ARID3B: variants seen among roughly 807,000 people sequenced by gnomAD.
The protein encoded by ARID3B is AT-rich interaction domain 3B.
In ARID3B, 10 loss-of-function variants were observed where a neutral mutation model predicts 51.9. That is an observed-to-expected ratio of 0.19 (90% CI 0.12 to 0.33). ARID3B has a LOEUF of 0.33. Among genes scored for constraint, ARID3B ranks in the 10% least tolerant of loss-of-function variants. ARID3B has a pLI of 1.00. For synonymous variants in ARID3B, 205 were observed against 279.5 expected, an observed-to-expected ratio of 0.73 and a Z score of 2.66; for missense variants, 483 against 716.3, an observed-to-expected ratio of 0.67 and a Z score of 3.72.
intron 2 of ARID3B, among the ~76,000 whole-genome samples, chr15:74,555,815 G>A (rs1317199162): frequency 5.2e-5 from 6 of 115,334 alleles, no homozygotes; most frequent in African/African-American, 7.0e-5. Flanking sequence ...TTTTTGAGAC[G>A]GAATCTCACC....
Position 74,596,552 on chromosome 15 carries a change from A to C in ARID3B, c.*778A>C. 1 of 233,062 alleles carries C rather than the reference A, an allele frequency of 4.3e-6. No homozygotes were observed. The highest frequency in any genetic ancestry group is 6.1e-5 in the East Asian group (1 of 16,526). The allele number at this position is 233,062 out of a possible 1,614,324, so 14.4% of individuals were successfully genotyped here. On this transcript the variant is annotated 3_prime_UTR_variant, in exon 9 of 9. Coordinates refer to ENST00000346246, the MANE Select transcript of ARID3B (RefSeq NM_006465.4). ...CTTGCCCTTATTGGCCTGCTTTCCC[A>C]AAAACAGCCCACTCATCCTTTCCCC...
At chr15:74,581,620 T>TA (rs1029301667) in intron 4 of ARID3B, among the ~76,000 whole-genome samples, 17 of 152,238 alleles carry the variant, frequency 1.1e-4, no homozygotes, top group African/African-American at 3.4e-4. Flanking sequence ...CAGCTGCTGT[T>TA]AAAAAAATAT....
intron 4 of ARID3B, among the ~76,000 whole-genome samples, chr15:74,579,872 T>TGTGTGTGCGC (rs1488209764): frequency 3.5e-4 from 42 of 118,976 alleles, no homozygotes; most frequent in African/African-American, 1.0e-3. Flanking sequence ...TGTGTGTGTG[T>TGTGTGTGCGC]GCGCGCGCGC....
At chr15:74,564,854 G>C (rs1470894449) in intron 2 of ARID3B, among the ~76,000 whole-genome samples, 2 of 152,016 alleles carry the variant, frequency 1.3e-5, no homozygotes, top group Non-Finnish European at 2.9e-5. Flanking sequence ...ACCTGCCTCA[G>C]CCTCCCAAAG....
chr15:74,559,308 G>A (rs745469305), intron 2 of ARID3B, among the ~76,000 whole-genome samples: 4 of 152,182 alleles, frequency 2.6e-5, no homozygotes, highest in Admixed American at 6.5e-5. Context: ...TGTATGCAAC[G>A]GGTAGAGTGT....
intron 4 of ARID3B, among the ~76,000 whole-genome samples, chr15:74,579,399 C>T (rs1305334781): frequency 6.6e-6 from 1 of 152,174 alleles, no homozygotes; most frequent in Non-Finnish European, 1.5e-5. Context: ...CAGTGCAAAG[C>T]CAGGGCTAAC....
chr15:74,580,343 T>C (rs2061757094), intron 4 of ARID3B, among the ~76,000 whole-genome samples: 1 of 152,212 alleles, frequency 6.6e-6, no homozygotes, highest in Non-Finnish European at 1.5e-5. Flanking sequence ...GGGGAGGGAC[T>C]AATTTCTAAG....
chr15:74,572,978 G>A (rs1189108133), intron 3 of ARID3B, 45 bp downstream of exon 3: 1 of 1,608,724 alleles, frequency 6.2e-7, no homozygotes, highest in Admixed American at 1.7e-5. Context: ...CAGTTCTGCA[G>A]TGGCTTGTTA....
chr15:74,564,874 T>C (rs2061692092), intron 2 of ARID3B, among the ~76,000 whole-genome samples: 1 of 152,130 alleles, frequency 6.6e-6, no homozygotes, highest in South Asian at 2.1e-4. Flanking sequence ...GTGCTGAGAT[T>C]ACAGTCATGA....
At position 74,596,452 on chromosome 15, in the gene ARID3B, C is replaced by G. The variant is rs898573546; in HGVS notation, c.*678C>G. ...ATCTGCTGATGGGAAGGCAGAGCCT[C>G]GGGGCTGCCCAGCCCTGGCACCTGC... On this transcript the variant is annotated 3_prime_UTR_variant, in exon 9 of 9. Transcript: ENST00000346246. 1 of 233,430 alleles carries G rather than the reference C, an allele frequency of 4.3e-6. No homozygotes were observed. The highest frequency in any genetic ancestry group is 8.5e-6 in the Non-Finnish European group (1 of 117,992). The allele number at this position is 233,430 out of a possible 1,614,324, so 14.5% of individuals were successfully genotyped here. A position where few individuals can be genotyped will look rare whatever the true frequency, so the allele number is the denominator to read the frequency against.
intron 2 of ARID3B, among the ~76,000 whole-genome samples, chr15:74,552,056 C>CTTTTTTT (rs869096001): frequency 1.7e-4 from 17 of 102,614 alleles, no homozygotes; most frequent in African/African-American, 4.5e-4. Flanking sequence ...TCTTTCTTTC[C>CTTTTTTT]TTTTTTTTTT....
At chr15:74,568,707 C>T (rs936168274) in intron 2 of ARID3B, among the ~76,000 whole-genome samples, 1 of 152,098 alleles carries the variant, frequency 6.6e-6, no homozygotes, top group Non-Finnish European at 1.5e-5. Context: ...AGCAAACTAT[C>T]AGTTTCCTGT....
chr15:74,558,565 A>G (rs2141454335), intron 2 of ARID3B, among the ~76,000 whole-genome samples: 1 of 152,356 alleles, frequency 6.6e-6, no homozygotes, highest in Middle Eastern at 3.4e-3. Context: ...ATACAAAAAA[A>G]AAAGAATAGT....
intron 2 of ARID3B, among the ~76,000 whole-genome samples, chr15:74,547,095 G>A (rs1234364019): frequency 6.6e-6 from 1 of 152,064 alleles, no homozygotes; most frequent in Non-Finnish European, 1.5e-5. Flanking sequence ...TGCAAAAATA[G>A]AATATCCCTT....
At chr15:74,543,645 A>G (rs1008186762) in intron 1 of ARID3B, among the ~76,000 whole-genome samples, 1 of 151,544 alleles carries the variant, frequency 6.6e-6, no homozygotes. Flanking sequence ...TTCATTCCCT[A>G]TTTCCCCTCT....
Position 74,591,778 on chromosome 15 carries a change from C to T in ARID3B, c.1384C>T (p.Arg462Trp), listed in dbSNP as rs753085247. The change falls in exon 7 of 9, where the codon CGG becomes TGG. Residue 462 changes from arginine (R) to tryptophan (W), a missense_variant. By Grantham distance (101) the Arg-to-Trp change is moderately radical. This residue lies in a region of ARID3B where 265 missense variants were observed against 354.4 expected (regional missense o/e 0.75). Transcript: ENST00000346246. The surrounding 1 kb of genome is among the most constrained non-coding windows in gnomAD (Gnocchi z 5.8). ...CCAGCGCAACTTTTTCAGCATGGCA[C>T]GGCAGCTCCCCATGAAGATCAGGAT... is the stretch of plus-strand genomic sequence containing the variant. ...AFQRNFFSMA[R>W]QLPMKIRING... 1.1e-5 allele frequency: 17 copies of T among 1,614,010 alleles called. No individual in the cohort carries two copies. The highest frequency in any genetic ancestry group is 6.7e-5 in the Admixed American group (4 of 60,008).
At position 74,543,868 on chromosome 15, in the gene ARID3B, C is replaced by T. The variant is rs2061603727; in HGVS notation, c.-69C>T. On this transcript the variant is annotated 5_prime_UTR_variant, in exon 2 of 9. Transcript: ENST00000346246. Reference sequence around the variant, plus strand: ...TTCTGTTAATCACTAAGGTTTAGACCCAGTGTGCCTGGTGGGCTGTGCCCA... The same window carrying T: ...TTCTGTTAATCACTAAGGTTTAGACTCAGTGTGCCTGGTGGGCTGTGCCCA... The T allele has an allele frequency of 6.5e-7, 1 of 1,538,152 alleles. No homozygotes were observed. The highest frequency in any genetic ancestry group is 2.2e-5 in the East Asian group (1 of 44,506).
Position 74,591,250 on chromosome 15 carries a change from G to A in ARID3B, c.981G>A (p.Arg327=). ...AAIDGNRREG[R]RPSYSSSLFG... is the part of the protein sequence containing the mutation. Reference sequence around the variant, plus strand: ...TTGATGGCAACCGCAGGGAGGGCCGGCGGCCCAGCTACAGCTCCTCCCTCT... The same window carrying A: ...TTGATGGCAACCGCAGGGAGGGCCGACGGCCCAGCTACAGCTCCTCCCTCT... Residue 327 remains arginine, a synonymous_variant, in exon 6 of 9, where the codon CGG becomes CGA. Coordinates refer to ENST00000346246, the MANE Select transcript of ARID3B (RefSeq NM_006465.4). This position sits in a 1 kb window ranked among gnomAD's most constrained non-coding sequence, Gnocchi z 5.8. 6.2e-7 allele frequency: 1 copy of A among 1,613,970 alleles called. No homozygotes were observed.
chr15:74,542,984 A>G (rs1035351143), intron 1 of ARID3B, among the ~76,000 whole-genome samples: 1 of 152,222 alleles, frequency 6.6e-6, no homozygotes, highest in African/African-American at 2.4e-5. Context: ...AGAATATCAT[A>G]ATAGAAATGA....
Sources: allele counts gnomAD v4.1 joint callset (sites outside exome capture counted in the v4.1 genomes callset), GRCh38; gene constraint gnomAD v4.1.1; regional missense constraint gnomAD v4.1.1; non-coding constraint Gnocchi (gnomAD v3.1); transcripts MANE v1.5; gene names NCBI Gene and HGNC (gene_info 2026-07-23, HGNC 2026-07-21).